The following RAD50 variants were observed in gnomAD, a reference collection of about 807,000 sequenced individuals.
The protein encoded by RAD50 is RAD50 double strand break repair protein.
RAD50 carries 132 observed loss-of-function variants against 168.8 expected under a neutral mutation model. The observed-to-expected ratio is 0.78, with a 90% CI of 0.68 to 0.90. The LOEUF (loss-of-function observed/expected upper bound fraction) is 0.90. Among genes scored for constraint, RAD50 ranks in the 40% least tolerant of loss-of-function variants. The pLI, the probability that RAD50 is intolerant of heterozygous loss-of-function variation, is 0.00. For missense variants in RAD50, 1,347 were observed against 1,534.4 expected (o/e 0.88, Z 2.04); for synonymous variants, 525 against 497.4 (o/e 1.06, Z -0.74).
At chr5:132,599,784 A>C (rs1007483923) in intron 13 of RAD50, among the ~76,000 whole-genome samples, 3 of 151,686 alleles carry the variant, frequency 2.0e-5, no homozygotes, top group African/African-American at 7.3e-5. Context: ...AGTCAGGTTG[A>C]CTTCAAATTC....
intron 23 of RAD50, among the ~76,000 whole-genome samples, chr5:132,640,241 G>C (rs1022764615): frequency 6.6e-6 from 1 of 152,202 alleles, no homozygotes; most frequent in African/African-American, 2.4e-5. Context: ...GAGAAAAAGT[G>C]AGAGGCTCTA....
At chr5:132,619,537 T>C (rs557774780) in intron 21 of RAD50, among the ~76,000 whole-genome samples, 2 of 152,190 alleles carry the variant, frequency 1.3e-5, no homozygotes, top group South Asian at 2.1e-4. Flanking sequence ...AGTGCTGGGG[T>C]CACAGGTGTG....
In RAD50 at chr5:132,619,839, T is replaced by TATATATATATAAAG. The variant is rs1377575197; in HGVS notation, c.3389+1556_3389+1557insAAGATATATATATA. ...TCCTCTCTCTCTCTCTCTCTCTCTA[T>TATATATATATAAAG]ATATATATATATAAAGATATATATA... On this transcript the variant is annotated intron_variant, in intron 21 of 24. Coordinates refer to ENST00000378823, the MANE Select transcript of RAD50 (RefSeq NM_005732.4). Among the ~76,000 whole-genome samples the TATATATATATAAAG allele has an allele frequency of 4.9e-3, 573 of 116,240 alleles. 8 individuals carry two copies. Among genetic ancestry groups the TATATATATATAAAG allele is most frequent in the Admixed American group, 0.027 (322 of 11,936 alleles). 76.3% of individuals were successfully genotyped at this position (116,240 alleles called of 152,430 possible). A position where few individuals can be genotyped will look rare whatever the true frequency, so the allele number is the denominator to read the frequency against.
intron 10 of RAD50, 97 bp downstream of exon 10, chr5:132,591,503 T>A: frequency 8.1e-7 from 1 of 1,235,892 alleles, no homozygotes; most frequent in Non-Finnish European, 1.2e-6. Flanking sequence ...TAAGTTGGTA[T>A]TGACTATATT....
chr5:132,640,552 T>TAACA lies in RAD50; in HGVS notation c.3619-119_3619-116dup, dbSNP rs918842662. 102 of 1,398,026 alleles carry TAACA rather than the reference T, an allele frequency of 7.3e-5. No individual in the cohort carries two copies. The African/African-American group carries it at 1.1e-3, about 15-fold the overall frequency. 86.6% of individuals were successfully genotyped at this position (1,398,026 alleles called of 1,614,324 possible). On this transcript the variant is annotated intron_variant, in intron 23 of 24. Transcript: ENST00000378823. Reference sequence around the variant, plus strand: ...CTCTCCCAGAGGGCAGTGCTTTACCTAACAGTGAACCTGTGACGTTTCCCA... The same window carrying TAACA: ...CTCTCCCAGAGGGCAGTGCTTTACCTAACAAACAGTGAACCTGTGACGTTTCCCA...
At chr5:132,624,849 G>C (rs909715428) in intron 21 of RAD50, among the ~76,000 whole-genome samples, 4 of 141,124 alleles carry the variant, frequency 2.8e-5, no homozygotes, top group African/African-American at 1.1e-4. Context: ...TCCAGCGTGG[G>C]TGACAGAAAG....
At chr5:132,619,871 GATAT>G (rs1265698606) in intron 21 of RAD50, among the ~76,000 whole-genome samples, 28 of 84,908 alleles carry the variant, frequency 3.3e-4, no homozygotes, top group African/African-American at 8.5e-4. Context: ...TATATATAAA[GATAT>G]ATATATATAT....
At chr5:132,618,339 T>A in intron 21 of RAD50, 45 bp downstream of exon 21, 1 of 1,608,122 alleles carries the variant, frequency 6.2e-7, no homozygotes, top group South Asian at 1.1e-5. Flanking sequence ...TAATATTAAC[T>A]AACATACTTT....
intron 19 of RAD50, among the ~76,000 whole-genome samples, chr5:132,609,846 A>G (rs1437187751): frequency 6.6e-6 from 1 of 152,082 alleles, no homozygotes; most frequent in African/African-American, 2.4e-5. Flanking sequence ...TTTATTTTTT[A>G]TTTTTATTTT....
intron 3 of RAD50, among the ~76,000 whole-genome samples, chr5:132,577,876 G>A (rs1395103834): frequency 7.1e-6 from 1 of 141,728 alleles, no homozygotes; most frequent in Non-Finnish European, 1.5e-5. Context: ...GTGCAGTGGT[G>A]AAATCTCAGC....
chr5:132,562,759 T>C (rs1192141129), intron 2 of RAD50, among the ~76,000 whole-genome samples: 1 of 152,108 alleles, frequency 6.6e-6, no homozygotes, highest in Non-Finnish European at 1.5e-5. Context: ...TTTTAAAGCC[T>C]GATGAGATCA....
intron 21 of RAD50, among the ~76,000 whole-genome samples, chr5:132,619,380 T>C (rs1164237573): frequency 1.3e-5 from 2 of 152,088 alleles, no homozygotes; most frequent in Non-Finnish European, 2.9e-5. Flanking sequence ...GATGAATCGT[T>C]GTTTATACAT....
intron 23 of RAD50, among the ~76,000 whole-genome samples, 196 bp downstream of exon 23, chr5:132,638,419 G>A (rs1034951632): frequency 1.3e-5 from 2 of 152,176 alleles, no homozygotes; most frequent in Admixed American, 6.5e-5. Context: ...ACATTATGTA[G>A]ACTTTTAAAA....
chr5:132,562,136 C>T (rs1262926616), intron 2 of RAD50, among the ~76,000 whole-genome samples: 1 of 152,082 alleles, frequency 6.6e-6, no homozygotes, highest in Non-Finnish European at 1.5e-5. Flanking sequence ...CAAGGAAGAA[C>T]AAGGGAAAAT....
At position 132,590,732 on chromosome 5, in the gene RAD50, AT is replaced by A. The variant is rs554336059; in HGVS notation, c.1453-489del. 1.3e-3 allele frequency among the ~76,000 whole-genome samples: 194 copies of A among 152,278 alleles called. 1 individual carries two copies. Among genetic ancestry groups the A allele is most frequent in the Admixed American group, 0.012 (180 of 15,298 alleles). ...GCCCATCTTGATAATTTATGTAAACATTTATTTTTGCTCCATAACTCACCAT... is the reference window on the plus strand; with the variant it reads ...GCCCATCTTGATAATTTATGTAAACATTATTTTTGCTCCATAACTCACCAT... On this transcript the variant is annotated intron_variant, in intron 9 of 24. Coordinates refer to ENST00000378823, the MANE Select transcript of RAD50 (RefSeq NM_005732.4).
intron 2 of RAD50, among the ~76,000 whole-genome samples, chr5:132,572,046 G>A (rs776902201): frequency 3.3e-5 from 5 of 152,112 alleles, no homozygotes; most frequent in Admixed American, 1.3e-4. Flanking sequence ...TCTAAAGGAC[G>A]TACTGGGACA....
Position 132,557,211 on chromosome 5 carries a change from G to T in RAD50, c.-114G>T, listed in dbSNP as rs1455549198. 9.7e-6 allele frequency: 14 copies of T among 1,448,566 alleles called. No homozygotes were observed. Among genetic ancestry groups the T allele is most frequent in the African/African-American group, 2.8e-5 (2 of 71,708 alleles). 89.7% of individuals were successfully genotyped at this position (1,448,566 alleles called of 1,614,324 possible). On this transcript the variant is annotated 5_prime_UTR_variant, in exon 1 of 25. Transcript: ENST00000378823. ...GTCCTGTGGCCTCGCTCCCCGCCCG[G>T]ATCCTCCTGACCCTGAGATTCGCGG...
rs138060491 is a variant in RAD50 at position 132,579,410 on chromosome 5, T to C, written c.459T>C (p.Asn153=). ...SLGVSKAVLN[N]VIFCHQEDSN... is the part of the protein sequence containing the mutation. Reference sequence around the variant, plus strand: ...GGGTTTCCAAGGCTGTGCTAAATAATGTCATTTTCTGTCATCAAGAAGATT... The same window carrying C: ...GGGTTTCCAAGGCTGTGCTAAATAACGTCATTTTCTGTCATCAAGAAGATT... Residue 153 remains asparagine (N), a synonymous_variant, in exon 4 of 25, where the codon AAT becomes AAC. Coordinates refer to ENST00000378823, the MANE Select transcript of RAD50 (RefSeq NM_005732.4). 17 of 1,613,594 alleles carry C rather than the reference T, an allele frequency of 1.1e-5. No homozygotes were observed. The highest frequency in any genetic ancestry group is 1.4e-5 in the Non-Finnish European group (17 of 1,179,660).
chr5:132,599,552 A>C (rs183906664), intron 13 of RAD50, among the ~76,000 whole-genome samples: 1 of 152,270 alleles, frequency 6.6e-6, no homozygotes, highest in East Asian at 1.9e-4. Flanking sequence ...TAATGAATTA[A>C]GAGGACTTGA....
Sources: allele counts gnomAD v4.1 joint callset (sites outside exome capture counted in the v4.1 genomes callset), GRCh38; gene constraint gnomAD v4.1.1; transcripts MANE v1.5; gene names NCBI Gene and HGNC (gene_info 2026-07-23, HGNC 2026-07-21).